The following GRID2 variants were observed in gnomAD, a reference collection of about 807,000 sequenced individuals.
GRID2 encodes glutamate ionotropic receptor delta type subunit 2, also known as glutamate receptor ionotropic, delta-2.
Under a neutral mutation model 114.8 loss-of-function variants are expected in GRID2, and 33 were observed. That is an observed-to-expected ratio of 0.29 (90% CI 0.22 to 0.38). GRID2 has a LOEUF of 0.38. GRID2 is among the 10% of genes least tolerant of loss of function. GRID2 has a pLI of 1.00. For missense variants in GRID2, 1,184 were observed against 1,257.7 expected, an observed-to-expected ratio of 0.94 and a Z score of 0.89; for synonymous variants, 505 against 449.9, an observed-to-expected ratio of 1.12 and a Z score of -1.55.
chr4:93,665,886 G>A (rs1263414272), intron 14 of GRID2, among the ~76,000 whole-genome samples: 1 of 152,046 alleles, frequency 6.6e-6, no homozygotes, highest in Non-Finnish European at 1.5e-5. Flanking sequence ...TCACCCATAT[G>A]AAACCTTACT....
At chr4:92,890,160 A>G (rs1280855545) in intron 2 of GRID2, among the ~76,000 whole-genome samples, 1 of 152,114 alleles carries the variant, frequency 6.6e-6, no homozygotes, top group Non-Finnish European at 1.5e-5. Context: ...ACCCATAAAA[A>G]CCCTAGAAGA....
chr4:92,614,060 C>G (rs1278393588), intron 2 of GRID2, among the ~76,000 whole-genome samples: 1 of 151,376 alleles, frequency 6.6e-6, no homozygotes, highest in Admixed American at 6.6e-5. Context: ...TATCCTCCTT[C>G]TAGCTATTTG....
chr4:93,599,338 C>CA (rs773676817), intron 13 of GRID2, among the ~76,000 whole-genome samples: 1 of 152,170 alleles, frequency 6.6e-6, no homozygotes, highest in Non-Finnish European at 1.5e-5. Flanking sequence ...AAAAGTGTTT[C>CA]ACCTACAATT....
chr4:92,579,975 T>C (rs1309509379), intron 1 of GRID2, among the ~76,000 whole-genome samples: 2 of 140,760 alleles, frequency 1.4e-5, no homozygotes, highest in African/African-American at 2.5e-5. Flanking sequence ...ATATATTTTA[T>C]ATATGTATAT....
chr4:93,736,936 G>A (rs992173100), intron 14 of GRID2, among the ~76,000 whole-genome samples: 6 of 150,886 alleles, frequency 4.0e-5, no homozygotes, highest in Non-Finnish European at 8.8e-5. Flanking sequence ...TAAGGGACTT[G>A]AAAGGGTCTC....
chr4:93,265,044 G>T (rs9996266), intron 8 of GRID2, among the ~76,000 whole-genome samples: 104,705 of 151,490 alleles, frequency 0.69, 36,648 homozygotes, highest in Middle Eastern at 0.85. Flanking sequence ...GCCTCCCAAA[G>T]TGCGGGGATT....
Position 93,199,865 on chromosome 4 carries a change from G to C in GRID2, c.736-7539G>C, listed in dbSNP as rs141374344. Reference sequence around the variant, plus strand: ...TGTCTTGGCTTCAGTTCTTTAATGAGAAAAACAGCAACAATAACCAGCTAA... The same window carrying C: ...TGTCTTGGCTTCAGTTCTTTAATGACAAAAACAGCAACAATAACCAGCTAA... On this transcript the variant is annotated intron_variant, in intron 4 of 15. Coordinates refer to ENST00000282020, the MANE Select transcript of GRID2 (RefSeq NM_001510.4). Among the ~76,000 whole-genome samples the C allele has an allele frequency of 4.7e-3, 714 of 152,234 alleles. 7 individuals carry two copies. Among genetic ancestry groups the C allele is most frequent in the African/African-American group, 0.017 (690 of 41,540 alleles).
chr4:93,313,827 G>A (rs1462435635), intron 8 of GRID2, among the ~76,000 whole-genome samples: 1 of 152,064 alleles, frequency 6.6e-6, no homozygotes. Flanking sequence ...TTCATAAGGG[G>A]GTTGGTTTAG....
intron 3 of GRID2, among the ~76,000 whole-genome samples, chr4:93,092,457 A>G (rs1345637033): frequency 3.9e-5 from 6 of 152,070 alleles, no homozygotes; most frequent in African/African-American, 2.4e-5. Flanking sequence ...GGCTTTCCCT[A>G]CTAGGATACA....
chr4:92,459,630 A>G (rs1051920757), intron 1 of GRID2, among the ~76,000 whole-genome samples: 6 of 152,168 alleles, frequency 3.9e-5, no homozygotes, highest in African/African-American at 1.4e-4. Flanking sequence ...ATGTGTATAC[A>G]TACATCTTGT....
At chr4:92,366,447 T>A (rs1728870146) in intron 1 of GRID2, among the ~76,000 whole-genome samples, 1 of 152,016 alleles carries the variant, frequency 6.6e-6, no homozygotes, top group Non-Finnish European at 1.5e-5. Context: ...GAGGAATAAA[T>A]GAGGTAATCC....
At chr4:93,750,470 C>G (rs929261665) in intron 14 of GRID2, among the ~76,000 whole-genome samples, 2 of 152,128 alleles carry the variant, frequency 1.3e-5, no homozygotes, top group African/African-American at 4.8e-5. Flanking sequence ...AAAAGGCTTT[C>G]TGTTAAAAGG....
chr4:92,662,389 T>C lies in GRID2; in HGVS notation c.244+72103T>C, dbSNP rs76175934. Among the ~76,000 whole-genome samples, 1,316 of 151,132 alleles carry C rather than the reference T, an allele frequency of 8.7e-3. 18 individuals are homozygous for C. Among genetic ancestry groups the C allele is most frequent in the African/African-American group, 0.03 (1,252 of 41,446 alleles). On this transcript the variant is annotated intron_variant, in intron 2 of 15. Coordinates refer to ENST00000282020, the MANE Select transcript of GRID2 (RefSeq NM_001510.4). ...ATTGTAGCTATCAAATACTGAGCTA[T>C]GTTATCTTGTAACTTGAGGCTGAAG...
chr4:92,984,854 AAAATT>A (rs1754411020), intron 2 of GRID2, among the ~76,000 whole-genome samples: 1 of 151,826 alleles, frequency 6.6e-6, no homozygotes, highest in South Asian at 2.1e-4. Flanking sequence ...TATTAGCTTT[AAAATT>A]AAATTTGGAT....
intron 2 of GRID2, among the ~76,000 whole-genome samples, chr4:92,947,765 T>C (rs1751747831): frequency 6.6e-6 from 1 of 151,742 alleles, no homozygotes; most frequent in African/African-American, 2.4e-5. Context: ...TTTTAAAGTA[T>C]TAGAAACAAT....
Position 93,119,818 on chromosome 4 carries a change from A to G in GRID2, c.735+8865A>G, listed in dbSNP as rs184070811. Among the ~76,000 whole-genome samples, 45 of 152,336 alleles carry G rather than the reference A, an allele frequency of 3.0e-4. 1 individual carries two copies. In the East Asian group the frequency reaches 8.3e-3, roughly 28 times the overall value. On this transcript the variant is annotated intron_variant, in intron 4 of 15. Transcript: ENST00000282020. ...AAGGGAAGGTAGCTTATCTCAGTAGATACAGAATGACTCCCACTCATCAAA... is the reference window on the plus strand; with the variant it reads ...AAGGGAAGGTAGCTTATCTCAGTAGGTACAGAATGACTCCCACTCATCAAA...
chr4:92,384,123 GTATA>G (rs935911816), intron 1 of GRID2, among the ~76,000 whole-genome samples: 1 of 151,280 alleles, frequency 6.6e-6, no homozygotes, highest in Non-Finnish European at 1.5e-5. Context: ...GGCAGTGTGT[GTATA>G]TGTGTGTGTA....
At chr4:92,813,924 C>T (rs1179327546) in intron 2 of GRID2, among the ~76,000 whole-genome samples, 2 of 152,110 alleles carry the variant, frequency 1.3e-5, no homozygotes, top group Admixed American at 6.6e-5. Context: ...TAATCTTCTA[C>T]ATTTACCCTG....
chr4:92,702,437 A>G (rs552079721), intron 2 of GRID2: 1 of 152,194 alleles, frequency 6.6e-6, no homozygotes, highest in Admixed American at 6.5e-5. Flanking sequence ...GCTACATACA[A>G]CTATGCAAAG....
Sources: allele counts gnomAD v4.1 joint callset (sites outside exome capture counted in the v4.1 genomes callset), GRCh38; gene constraint gnomAD v4.1.1; transcripts MANE v1.5; gene names NCBI Gene and HGNC (gene_info 2026-07-23, HGNC 2026-07-21).